DHX9: variants seen among roughly 807,000 people sequenced by gnomAD.
DHX9 encodes the protein DExH-box helicase 9.
A neutral mutation model predicts 148.7 loss-of-function variants in DHX9; 27 were observed. That is an observed-to-expected ratio of 0.18 (90% CI 0.13 to 0.25). The LOEUF (loss-of-function observed/expected upper bound fraction) is 0.25, where lower values mean the gene tolerates loss of function less well. DHX9 is among the 10% of genes least tolerant of loss of function. DHX9 has a pLI of 1.00. For synonymous variants in DHX9, 529 were observed against 516.6 expected (o/e 1.02, Z -0.33); for missense variants, 796 against 1,559.6 (o/e 0.51, Z 8.25).
intron 12 of DHX9, among the ~76,000 whole-genome samples, chr1:182,865,692 A>G (rs530271676): frequency 3.3e-5 from 5 of 152,344 alleles, no homozygotes; most frequent in African/African-American, 1.2e-4. Flanking sequence ...AGGAACTTAT[A>G]GACAGAATCA....
intron 27 of DHX9, among the ~76,000 whole-genome samples, chr1:182,886,558 C>T (rs938531623): frequency 6.6e-6 from 1 of 152,120 alleles, no homozygotes; most frequent in Non-Finnish European, 1.5e-5. Flanking sequence ...AAAAGCTGCA[C>T]AGGAATAATA....
chr1:182,876,379 G>A lies in DHX9; in HGVS notation c.2030-68G>A, dbSNP rs1378095400. 2.3e-5 allele frequency: 36 copies of A among 1,562,618 alleles called. No homozygotes were observed. The East Asian group carries it at 4.3e-4, about 19-fold the overall frequency. ...TGTTTCTACTTTCGAATAAAAATATGTATAATGGAGAGCTGTTTGAAACCA... is the reference window on the plus strand; with the variant it reads ...TGTTTCTACTTTCGAATAAAAATATATATAATGGAGAGCTGTTTGAAACCA... On this transcript the variant is annotated intron_variant, in intron 17 of 27. Transcript: ENST00000367549.
chr1:182,872,536 G>T (rs746966568), intron 15 of DHX9, 43 bp downstream of exon 15: 1 of 1,567,132 alleles, frequency 6.4e-7, no homozygotes, highest in Non-Finnish European at 8.7e-7. Flanking sequence ...TTGTGCAATA[G>T]GGTTTGTATT....
intron 22 of DHX9, 92 bp downstream of exon 22, chr1:182,880,700 A>G (rs80315267): frequency 2.1e-6 from 1 of 465,456 alleles, no homozygotes; most frequent in Admixed American, 4.3e-5. Context: ...TCAGATAGAC[A>G]AAAAAAAAAT....
intron 21 of DHX9, 103 bp downstream of exon 21, chr1:182,879,513 T>G: frequency 8.9e-7 from 1 of 1,128,036 alleles, no homozygotes; most frequent in South Asian, 3.2e-5. Context: ...GAAGATGTAG[T>G]CAACAGGGCT....
At chr1:182,859,195 T>G (rs1668310426) in intron 11 of DHX9, 78 bp downstream of exon 11, 1 of 1,340,674 alleles carries the variant, frequency 7.5e-7, no homozygotes, top group African/African-American at 1.4e-5. Flanking sequence ...CAATGAGCAG[T>G]ACATTTTGCC....
intron 8 of DHX9, 23 bp downstream of exon 8, chr1:182,858,263 C>G: frequency 6.2e-7 from 1 of 1,606,248 alleles, no homozygotes; most frequent in Non-Finnish European, 8.5e-7. Flanking sequence ...ATTTAATAGA[C>G]TTGTGAGATA....
At chr1:182,882,299 C>G (rs948008687) in intron 24 of DHX9, among the ~76,000 whole-genome samples, 2 of 152,144 alleles carry the variant, frequency 1.3e-5, no homozygotes, top group African/African-American at 4.8e-5. Context: ...TTTAATTCAT[C>G]CAATTAGGAG....
Position 182,848,969 on chromosome 1 carries a change from A to G in DHX9, c.253-3264A>G, listed in dbSNP as rs533145660. Among the ~76,000 whole-genome samples, 27 of 152,346 alleles carry G rather than the reference A, an allele frequency of 1.8e-4. No homozygotes were observed. The South Asian group carries it at 5.4e-3, about 30-fold the overall frequency. ...CAAGGAAAGTGGTACTAAACCATGC[A>G]TGAGAAACCCACCTCATGATCCAGT... On this transcript the variant is annotated intron_variant, in intron 3 of 27. Transcript: ENST00000367549.
At chr1:182,867,160 C>G (rs372532601) in intron 14 of DHX9, 117 bp downstream of exon 14, 2 of 609,610 alleles carry the variant, frequency 3.3e-6, no homozygotes, top group Non-Finnish European at 5.5e-6. Flanking sequence ...CCATGAACTT[C>G]AGTCACTAAG....
intron 12 of DHX9, among the ~76,000 whole-genome samples, chr1:182,860,456 G>T (rs1668340647): frequency 6.6e-6 from 1 of 152,134 alleles, no homozygotes; most frequent in Non-Finnish European, 1.5e-5. Context: ...AGAATTCTTT[G>T]TCCTAAAGTT....
At chr1:182,883,079 A>G in intron 24 of DHX9, 60 bp from the exon 25 acceptor site, 1 of 1,091,684 alleles carries the variant, frequency 9.2e-7, no homozygotes, top group Non-Finnish European at 1.4e-6. Context: ...AATAGTTTGC[A>G]TGTAATGTGA....
chr1:182,858,689 C>G (rs1407125196), intron 9 of DHX9, 44 bp from the exon 10 acceptor site: 7 of 1,612,322 alleles, frequency 4.3e-6, no homozygotes, highest in Non-Finnish European at 5.9e-6. Context: ...TCTCCGTAGA[C>G]AAGCAAATCA....
chr1:182,876,217 T>G lies in DHX9; in HGVS notation c.1983T>G (p.Asn661Lys), dbSNP rs761471619. Residue 661 changes from asparagine (N) to lysine (K), a missense_variant, in exon 17 of 28, where the codon AAT becomes AAG. Transcript: ENST00000367549. ...GAVLVFLPGW[N>K]LIYTMQKHLE... ...TGTTGGTTTTTTTGCCTGGCTGGAATCTGATTTATACTATGCAGAAGCATT... is the reference window on the plus strand; with the variant it reads ...TGTTGGTTTTTTTGCCTGGCTGGAAGCTGATTTATACTATGCAGAAGCATT... 1 of 1,613,890 alleles carries G rather than the reference T, an allele frequency of 6.2e-7. No individual in the cohort carries two copies. The highest frequency in any genetic ancestry group is 8.5e-7 in the Non-Finnish European group (1 of 1,179,906).
intron 10 of DHX9, 47 bp downstream of exon 10, chr1:182,858,941 T>TGA: frequency 6.2e-7 from 1 of 1,611,424 alleles, no homozygotes; most frequent in African/African-American, 1.3e-5. Context: ...GTTTTACTCT[T>TGA]GAGACTATAT....
intron 14 of DHX9, among the ~76,000 whole-genome samples, chr1:182,870,287 G>T (rs1648502799): frequency 6.6e-6 from 1 of 152,112 alleles, no homozygotes. Flanking sequence ...TCCCAGTAAG[G>T]TTTTCCATAT....
chr1:182,868,356 T>G (rs1472547039), intron 14 of DHX9, among the ~76,000 whole-genome samples: 1 of 152,064 alleles, frequency 6.6e-6, no homozygotes, highest in African/African-American at 2.4e-5. Context: ...GTCCAGGGAT[T>G]GGGAATTTCC....
chr1:182,843,871 C>CAA (rs1409963804), intron 3 of DHX9, among the ~76,000 whole-genome samples: 1 of 152,234 alleles, frequency 6.6e-6, no homozygotes, highest in Admixed American at 6.5e-5. Context: ...AACCATAGCT[C>CAA]ACTGCAGCCT....
chr1:182,875,797 G>C (rs1648736556), intron 16 of DHX9, among the ~76,000 whole-genome samples: 2 of 152,126 alleles, frequency 1.3e-5, no homozygotes, highest in South Asian at 4.1e-4. Context: ...TGAGAGTTTT[G>C]AGTCAAATTT....
Sources: allele counts gnomAD v4.1 joint callset (sites outside exome capture counted in the v4.1 genomes callset), GRCh38; gene constraint gnomAD v4.1.1; transcripts MANE v1.5; gene names NCBI Gene and HGNC (gene_info 2026-07-23, HGNC 2026-07-21).